Variants in CECR2 observed in about 807,000 individuals in gnomAD.
CECR2 encodes the protein chromatin remodeling regulator CECR2.
A neutral mutation model predicts 154.5 loss-of-function variants in CECR2; 30 were observed. That is an observed-to-expected ratio of 0.19 (90% CI 0.15 to 0.26). The LOEUF (loss-of-function observed/expected upper bound fraction) is 0.26, where lower values mean the gene tolerates loss of function less well. Ranked by LOEUF, CECR2 falls within the 10% of genes least tolerant of loss-of-function variation. CECR2 has a pLI of 1.00. For synonymous variants in CECR2, 725 were observed against 683.7 expected (o/e 1.06, Z -0.94); for missense variants, 1,743 against 1,829.3 (o/e 0.95, Z 0.86).
intron 2 of CECR2, among the ~76,000 whole-genome samples, chr22:17,487,372 C>T (rs2055439631): frequency 6.6e-6 from 1 of 152,162 alleles, no homozygotes; most frequent in Admixed American, 6.5e-5. Flanking sequence ...TTGAATCAAA[C>T]TGTGTTTTGA....
At chr22:17,550,918 G>C (rs1393900419) in intron 17 of CECR2, among the ~76,000 whole-genome samples, 1 of 152,036 alleles carries the variant, frequency 6.6e-6, no homozygotes, top group Non-Finnish European at 1.5e-5. Flanking sequence ...CTCCAGCCTG[G>C]GCAACAGAGC....
intron 1 of CECR2, among the ~76,000 whole-genome samples, chr22:17,438,629 T>TA (rs1468342267): frequency 3.3e-5 from 5 of 151,986 alleles, no homozygotes; most frequent in African/African-American, 1.2e-4. Context: ...ATTTTTTTTT[T>TA]TTGCAATTTT....
chr22:17,476,497 A>G (rs1290038653), intron 1 of CECR2, among the ~76,000 whole-genome samples: 1 of 151,866 alleles, frequency 6.6e-6, no homozygotes, highest in Non-Finnish European at 1.5e-5. Context: ...CTTGACCTCA[A>G]GTGAGCCACC....
At chr22:17,401,560 A>G (rs1260469465) in intron 1 of CECR2, among the ~76,000 whole-genome samples, 1 of 151,746 alleles carries the variant, frequency 6.6e-6, no homozygotes, top group Non-Finnish European at 1.5e-5. Context: ...AGACTTTTAC[A>G]TGAGATATAC....
chr22:17,469,810 C>T (rs926526762), intron 1 of CECR2, among the ~76,000 whole-genome samples: 2 of 152,206 alleles, frequency 1.3e-5, no homozygotes, highest in Non-Finnish European at 2.9e-5. Context: ...CTCTTGCATG[C>T]CTGCTGGCAT....
intron 1 of CECR2, among the ~76,000 whole-genome samples, chr22:17,426,773 A>G (rs1406952040): frequency 2.0e-5 from 3 of 152,042 alleles, no homozygotes; most frequent in Non-Finnish European, 4.4e-5. Context: ...TTTTATCTCC[A>G]TTGAATCATT....
chr22:17,482,413 G>A (rs1010051935), intron 2 of CECR2, among the ~76,000 whole-genome samples: 1 of 152,150 alleles, frequency 6.6e-6, no homozygotes, highest in Non-Finnish European at 1.5e-5. Flanking sequence ...GACAGAGCGA[G>A]ACAAGACATA....
intron 7 of CECR2, among the ~76,000 whole-genome samples, chr22:17,507,828 A>G (rs1230625120): frequency 6.6e-6 from 1 of 152,220 alleles, no homozygotes; most frequent in Non-Finnish European, 1.5e-5. Context: ...ATGAAGTCCT[A>G]TTAACCAGAA....
At position 17,557,523 on chromosome 22, in the gene CECR2, A is replaced by T. The variant is rs2056787777; in HGVS notation, c.*4683A>T. On this transcript the variant is annotated 3_prime_UTR_variant, in exon 19 of 19. Coordinates refer to ENST00000262608, the MANE Select transcript of CECR2 (RefSeq NM_001290047.2). The stretch of plus-strand genomic sequence containing the variant: ...GTTGATCCTGCTCTGTGCTAGACAG[A>T]TGTGCGGAGGGACTGTTCCGGGCTC... 6.6e-6 allele frequency: 1 copy of T among 152,208 alleles called. No individual in the cohort carries two copies. The highest frequency in any genetic ancestry group is 1.5e-5 in the Non-Finnish European group (1 of 68,076). The allele number at this position is 152,208 out of a possible 1,614,324, so 9.4% of individuals were successfully genotyped here.
intron 1 of CECR2, among the ~76,000 whole-genome samples, chr22:17,401,572 C>T (rs957509228): frequency 1.3e-5 from 2 of 151,930 alleles, no homozygotes; most frequent in Non-Finnish European, 2.9e-5. Context: ...GAGATATACG[C>T]TCTTTTGATG....
chr22:17,497,344 T>C, intron 2 of CECR2, 59 bp from the exon 3 acceptor site: 1 of 1,498,188 alleles, frequency 6.7e-7, no homozygotes, highest in Non-Finnish European at 9.0e-7. Flanking sequence ...TCTCTCTCCT[T>C]CTCCCAACCA....
At chr22:17,385,795 C>G (rs572603913) in intron 1 of CECR2, among the ~76,000 whole-genome samples, 1 of 152,262 alleles carries the variant, frequency 6.6e-6, no homozygotes, top group East Asian at 1.9e-4. Context: ...AAGGGAAACA[C>G]AGTACAACGA....
chr22:17,415,023 TAC>T (rs1192371566), intron 1 of CECR2, among the ~76,000 whole-genome samples: 1 of 152,196 alleles, frequency 6.6e-6, no homozygotes, highest in Non-Finnish European at 1.5e-5. Flanking sequence ...AATTGTCTCT[TAC>T]TTGGGGCATA....
chr22:17,525,622 C>CGGGTTGTTTTTT (rs2056251797), intron 9 of CECR2, among the ~76,000 whole-genome samples: 1 of 152,142 alleles, frequency 6.6e-6, no homozygotes. Context: ...AAAAACAACC[C>CGGGTTGTTTTTT]TTAGTGCATA....
chr22:17,407,973 A>G (rs1569062139), intron 1 of CECR2, among the ~76,000 whole-genome samples: 1 of 152,188 alleles, frequency 6.6e-6, no homozygotes, highest in African/African-American at 2.4e-5. Context: ...TTGGTGACTA[A>G]TAATCTTGTC....
chr22:17,532,653 A>G (rs2056373969), intron 9 of CECR2, among the ~76,000 whole-genome samples: 1 of 148,592 alleles, frequency 6.7e-6, no homozygotes, highest in Non-Finnish European at 1.5e-5. Flanking sequence ...CACCCAGGAA[A>G]CTATTATAGC....
rs2056555030 is a variant in CECR2, at chr22:17,542,986, A to G, written c.2843A>G (p.Glu948Gly). Residue 948 changes from glutamate (E) to glycine (G), a missense_variant, in exon 16 of 19, where the codon GAG (glutamate) becomes GGG (glycine). Coordinates refer to ENST00000262608, the MANE Select transcript of CECR2 (RefSeq NM_001290047.2). Reference protein sequence around the residue: ...GRAPENSEAQEPENDQAEPLP... With the variant: ...GRAPENSEAQGPENDQAEPLP... ...GCACCGGAGAACAGTGAAGCACAAG[A>G]GCCTGAGAATGACCAAGGTAATTTA... 1 of 1,608,254 alleles carries G rather than the reference A, an allele frequency of 6.2e-7. No individual in the cohort carries two copies. The highest frequency in any genetic ancestry group is 1.3e-5 in the African/African-American group (1 of 74,742).
chr22:17,523,203 C>T lies in CECR2; in HGVS notation c.955-915C>T, dbSNP rs541540737. 1.3e-3 allele frequency among the ~76,000 whole-genome samples: 203 copies of T among 151,690 alleles called. 1 individual carries two copies. The highest frequency in any genetic ancestry group is 4.8e-3 in the African/African-American group (198 of 41,378). On this transcript the variant is annotated intron_variant, in intron 8 of 18. Coordinates refer to ENST00000262608, the MANE Select transcript of CECR2 (RefSeq NM_001290047.2). Reference sequence around the variant, plus strand: ...TTCGAGACCAGCCTGGCCAACATGGCGAAACCCCATCTCTATTAAAAATAC... The same window carrying T: ...TTCGAGACCAGCCTGGCCAACATGGTGAAACCCCATCTCTATTAAAAATAC...
intron 1 of CECR2, among the ~76,000 whole-genome samples, chr22:17,414,713 G>A (rs913018648): frequency 1.3e-5 from 2 of 150,788 alleles, no homozygotes; most frequent in Non-Finnish European, 3.0e-5. Flanking sequence ...CCTTTCCTGT[G>A]TCCAAGTGTT....
Sources: gnomAD v4.1 joint callset for allele counts (sites outside exome capture counted in the v4.1 genomes callset) on GRCh38, gnomAD v4.1.1 for gene constraint, MANE v1.5 for transcripts, NCBI Gene and HGNC (gene_info 2026-07-23, HGNC 2026-07-21) for gene names.